The following GRM3 variants were observed in gnomAD, a reference collection of about 807,000 sequenced individuals.
GRM3 encodes glutamate metabotropic receptor 3.
Under a neutral mutation model 70.5 loss-of-function variants are expected in GRM3, and 26 were observed. That is an observed-to-expected ratio of 0.37 (90% CI 0.27 to 0.51). GRM3 has a LOEUF of 0.51. Among genes scored for constraint, GRM3 ranks in the 20% least tolerant of loss-of-function variants. The probability of loss-of-function intolerance (pLI) is 0.93; values close to 1 mark genes in which losing one functional copy is unlikely to be tolerated. For missense variants in GRM3, 859 were observed against 1,123.8 expected (o/e 0.76, Z 3.37); for synonymous variants, 443 against 434.9 (o/e 1.02, Z -0.23).
At chr7:86,682,557 T>A (rs915388101) in intron 1 of GRM3, among the ~76,000 whole-genome samples, 10 of 152,190 alleles carry the variant, frequency 6.6e-5, no homozygotes, top group African/African-American at 2.2e-4. Flanking sequence ...TTGGAGATAA[T>A]TCTGGCAGAG....
At chr7:86,657,886 C>A (rs990678858) in intron 1 of GRM3, among the ~76,000 whole-genome samples, 29 of 152,178 alleles carry the variant, frequency 1.9e-4, no homozygotes, top group African/African-American at 7.0e-4. Flanking sequence ...AAGCTAATCA[C>A]TTTCCTTCTT....
chr7:86,654,486 T>A (rs980026969), intron 1 of GRM3, among the ~76,000 whole-genome samples: 1 of 152,186 alleles, frequency 6.6e-6, no homozygotes, highest in African/African-American at 2.4e-5. Context: ...TCTACTGGAC[T>A]GTCCCACTCA....
intron 3 of GRM3, among the ~76,000 whole-genome samples, chr7:86,817,356 G>A (rs1227667168): frequency 6.6e-6 from 1 of 151,860 alleles, no homozygotes; most frequent in East Asian, 1.9e-4. Context: ...TTCCTGTAGG[G>A]AAATACTCAG....
chr7:86,792,811 G>T (rs1056742172), intron 3 of GRM3, among the ~76,000 whole-genome samples: 6 of 151,998 alleles, frequency 3.9e-5, no homozygotes, highest in Non-Finnish European at 8.8e-5. Flanking sequence ...GTTTGGATTG[G>T]GAAATTACTA....
intron 1 of GRM3, among the ~76,000 whole-genome samples, chr7:86,751,018 T>C (rs1314013722): frequency 6.6e-6 from 1 of 152,140 alleles, no homozygotes; most frequent in Admixed American, 6.6e-5. Flanking sequence ...AAATATATTC[T>C]TATGACTGCC....
chr7:86,833,217 A>G (rs951664505), intron 3 of GRM3: 5 of 197,688 alleles, frequency 2.5e-5, no homozygotes, highest in African/African-American at 9.1e-5. Flanking sequence ...GGACACAGGA[A>G]GGGGAACATC....
At chr7:86,856,229 A>G (rs1387461361) in intron 5 of GRM3, among the ~76,000 whole-genome samples, 1 of 152,176 alleles carries the variant, frequency 6.6e-6, no homozygotes, top group Non-Finnish European at 1.5e-5. Context: ...GGATCACCTG[A>G]GGTCAGCAGT....
chr7:86,772,837 T>C (rs1409616220), intron 2 of GRM3, among the ~76,000 whole-genome samples: 1 of 152,096 alleles, frequency 6.6e-6, no homozygotes, highest in Non-Finnish European at 1.5e-5. Context: ...GTACTGCAAA[T>C]ACAATGATTA....
intron 1 of GRM3, among the ~76,000 whole-genome samples, chr7:86,725,830 C>T (rs1189879754): frequency 2.6e-5 from 4 of 152,012 alleles, no homozygotes; most frequent in East Asian, 3.9e-4. Flanking sequence ...GGGCCATCCG[C>T]CTGGTTATGT....
At chr7:86,645,921 G>A (rs557416844) in intron 1 of GRM3, among the ~76,000 whole-genome samples, 1 of 140,140 alleles carries the variant, frequency 7.1e-6, no homozygotes, top group South Asian at 2.3e-4. Flanking sequence ...GTTCCTTAGA[G>A]TTTCTTTGCT....
intron 1 of GRM3, among the ~76,000 whole-genome samples, chr7:86,680,264 T>A (rs192709577): frequency 2.0e-5 from 3 of 152,156 alleles, no homozygotes; most frequent in Admixed American, 1.3e-4. Flanking sequence ...AAAATTGGAA[T>A]AACATATTTT....
At chr7:86,661,836 A>C (rs548395885) in intron 1 of GRM3, among the ~76,000 whole-genome samples, 86 of 152,082 alleles carry the variant, frequency 5.7e-4, no homozygotes, top group Non-Finnish European at 1.1e-3. Context: ...AGAAACCAAC[A>C]TTAGCTAGTA....
intron 1 of GRM3, among the ~76,000 whole-genome samples, chr7:86,672,656 G>A (rs1794202499): frequency 6.6e-6 from 1 of 151,880 alleles, no homozygotes; most frequent in Non-Finnish European, 1.5e-5. Flanking sequence ...AACACATCCG[G>A]TGTGTGTGAA....
chr7:86,652,261 G>A (rs1216266638), intron 1 of GRM3, among the ~76,000 whole-genome samples: 1 of 151,902 alleles, frequency 6.6e-6, no homozygotes, highest in Non-Finnish European at 1.5e-5. Flanking sequence ...CTAAATTTGT[G>A]TTTGTTGCTA....
chr7:86,863,804 T>TGC (rs1799005687), intron 5 of GRM3, among the ~76,000 whole-genome samples: 2 of 152,170 alleles, frequency 1.3e-5, no homozygotes, highest in Non-Finnish European at 2.9e-5. Context: ...AGTTTATAGA[T>TGC]TACCAAAGCT....
intron 1 of GRM3, among the ~76,000 whole-genome samples, chr7:86,667,619 C>A (rs1335394766): frequency 6.6e-6 from 1 of 152,118 alleles, no homozygotes; most frequent in Non-Finnish European, 1.5e-5. Context: ...TGGGGATGGA[C>A]AGCAAAGGTA....
chr7:86,847,997 C>T (rs1798688288), intron 4 of GRM3, among the ~76,000 whole-genome samples: 1 of 152,090 alleles, frequency 6.6e-6, no homozygotes, highest in African/African-American at 2.4e-5. Context: ...GGTAATCATC[C>T]CCCACCTTGG....
At chr7:86,836,184 ACAAAAC>A (rs1798453109) in intron 3 of GRM3, among the ~76,000 whole-genome samples, 1 of 152,186 alleles carries the variant, frequency 6.6e-6, no homozygotes, top group South Asian at 2.1e-4. Flanking sequence ...AGTTGGTAAA[ACAAAAC>A]CAAACAACAA....
chr7:86,795,469 C>T (rs780431835), intron 3 of GRM3, among the ~76,000 whole-genome samples: 1 of 151,892 alleles, frequency 6.6e-6, no homozygotes, highest in Non-Finnish European at 1.5e-5. Flanking sequence ...CCCTGCACCC[C>T]GACAGGCCCC....
Sources: gnomAD v4.1 joint callset for allele counts (sites outside exome capture counted in the v4.1 genomes callset) on GRCh38, gnomAD v4.1.1 for gene constraint, MANE v1.5 for transcripts, NCBI Gene and HGNC (gene_info 2026-07-23, HGNC 2026-07-21) for gene names.